The following CCDC30 variants were observed in gnomAD, a reference collection of about 807,000 sequenced individuals.
CCDC30 encodes the protein coiled-coil domain containing 30, also known as coiled-coil domain-containing protein 30.
CCDC30 carries 70 observed loss-of-function variants against 100.2 expected under a neutral mutation model. That is an observed-to-expected ratio of 0.70 (90% CI 0.58 to 0.85). CCDC30 has a LOEUF of 0.85. CCDC30 is among the 40% of genes least tolerant of loss of function. The pLI is 0.00. For missense variants in CCDC30, 652 were observed against 771.2 expected (o/e 0.85, Z 1.83); for synonymous variants, 233 against 269.5 (o/e 0.86, Z 1.33).
At chr1:42,591,153 G>A (rs1300196982) in intron 10 of CCDC30, 1 of 152,246 alleles carries the variant, frequency 6.6e-6, no homozygotes, top group Non-Finnish European at 1.5e-5. Context: ...GGCAGAGAAA[G>A]AATCCCAGCA....
chr1:42,616,877 T>C (rs982608067), intron 11 of CCDC30, among the ~76,000 whole-genome samples: 4 of 152,144 alleles, frequency 2.6e-5, no homozygotes, highest in African/African-American at 9.7e-5. Flanking sequence ...AAATATCAAA[T>C]AATAGGAGAC....
At chr1:42,558,536 T>A (rs1426726244) in intron 6 of CCDC30, among the ~76,000 whole-genome samples, 1 of 152,196 alleles carries the variant, frequency 6.6e-6, no homozygotes, top group Non-Finnish European at 1.5e-5. Flanking sequence ...ATCATTATTA[T>A]CCATATCTTA....
At chr1:42,557,447 C>T (rs1055719490) in intron 6 of CCDC30, among the ~76,000 whole-genome samples, 5 of 151,930 alleles carry the variant, frequency 3.3e-5, no homozygotes, top group Non-Finnish European at 5.9e-5. Context: ...GTGTGGGAGG[C>T]TTGAGCAGAA....
At chr1:42,594,158 G>A (rs548114247) in intron 10 of CCDC30, 1 of 152,146 alleles carries the variant, frequency 6.6e-6, no homozygotes, top group Non-Finnish European at 1.5e-5. Flanking sequence ...TTATTTTGGG[G>A]TGATGTTCAT....
the CCDC30 span, chr1:42,456,853 C>A: frequency 1.9e-6 from 3 of 1,613,536 alleles, no homozygotes; most frequent in Non-Finnish European, 2.5e-6. Context: ...CCCACCGCTT[C>A]CCACCCCAGA....
At chr1:42,504,161 G>A (rs940985223) in intron 6 of CCDC30, among the ~76,000 whole-genome samples, 6 of 152,224 alleles carry the variant, frequency 3.9e-5, no homozygotes, top group Admixed American at 1.3e-4. Flanking sequence ...GGCACAGATC[G>A]CTCATGCTAT....
intron 1 of CCDC30, among the ~76,000 whole-genome samples, chr1:42,465,661 G>T (rs1643555212): frequency 3.9e-5 from 6 of 152,138 alleles, no homozygotes; most frequent in Admixed American, 3.9e-4. Flanking sequence ...CACGGTACCC[G>T]ACCTCTAGCA....
intron 6 of CCDC30, among the ~76,000 whole-genome samples, chr1:42,552,262 A>G (rs1388026725): frequency 6.6e-6 from 1 of 152,208 alleles, no homozygotes; most frequent in Non-Finnish European, 1.5e-5. Flanking sequence ...CCAGAATTGT[A>G]TCCTGGAGAG....
In CCDC30 at chr1:42,581,540, C is replaced by G. The variant is rs201925343; in HGVS notation, c.1001+26C>G. On this transcript the variant is annotated intron_variant, in intron 9 of 16. Coordinates refer to ENST00000668663, the Ensembl canonical transcript of CCDC30. Reference sequence around the variant, plus strand: ...GTAAGAGGAGCAGAGATCTCAGTTTCCTGTGGGTTTAGCCATGACTGAGTT... The same window carrying G: ...GTAAGAGGAGCAGAGATCTCAGTTTGCTGTGGGTTTAGCCATGACTGAGTT... The G allele has an allele frequency of 2.0e-5, 32 of 1,597,418 alleles. No individual in the cohort carries two copies. In the East Asian group the frequency reaches 6.3e-4, roughly 31 times the overall value.
At chr1:42,520,326 C>G (rs1159407080) in intron 6 of CCDC30, among the ~76,000 whole-genome samples, 1 of 150,502 alleles carries the variant, frequency 6.6e-6, no homozygotes, top group African/African-American at 2.4e-5. Context: ...TAAGTATTTT[C>G]TTTCTTTTCT....
chr1:42,597,803 G>A (rs568142739), intron 10 of CCDC30, among the ~76,000 whole-genome samples: 8 of 143,128 alleles, frequency 5.6e-5, no homozygotes, highest in Non-Finnish European at 1.1e-4. Context: ...AGGTCTAGGC[G>A]GCAGTGAGTT....
intron 6 of CCDC30, among the ~76,000 whole-genome samples, chr1:42,561,698 A>G (rs181921667): frequency 6.6e-6 from 1 of 152,306 alleles, no homozygotes. Flanking sequence ...TTATATTTAG[A>G]AAAACCCATC....
upstream of CCDC30, chr1:42,460,382 AGT>A (rs1263868810): frequency 5.1e-6 from 5 of 986,988 alleles, no homozygotes; most frequent in Non-Finnish European, 1.2e-6. Context: ...AGTGCAATAA[AGT>A]GTGTGTCCAA....
chr1:42,527,996 G>C (rs1644748193), intron 6 of CCDC30, among the ~76,000 whole-genome samples: 1 of 152,224 alleles, frequency 6.6e-6, no homozygotes, highest in African/African-American at 2.4e-5. Context: ...CTCCCGAGTA[G>C]CTGGGATTAC....
chr1:42,456,985 T>G, the CCDC30 span: 1 of 1,602,724 alleles, frequency 6.2e-7, no homozygotes, highest in African/African-American at 1.3e-5. Flanking sequence ...AGGCTGCGGC[T>G]GCAGGCACCT....
chr1:42,472,733 A>G (rs1031454589), intron 1 of CCDC30, among the ~76,000 whole-genome samples: 2 of 151,952 alleles, frequency 1.3e-5, no homozygotes, highest in Non-Finnish European at 2.9e-5. Context: ...CAAAGCTTAC[A>G]TTTTTCGGTA....
At chr1:42,538,683 A>C (rs910436478) in intron 6 of CCDC30, among the ~76,000 whole-genome samples, 1 of 152,216 alleles carries the variant, frequency 6.6e-6, no homozygotes, top group African/African-American at 2.4e-5. Context: ...TCTCAGCTTT[A>C]TACTTCCTGG....
chr1:42,532,237 C>T (rs887004739), intron 6 of CCDC30, among the ~76,000 whole-genome samples: 2 of 152,288 alleles, frequency 1.3e-5, no homozygotes, highest in Middle Eastern at 3.4e-3. Flanking sequence ...TCTACCTCCA[C>T]ATCAGTCAGA....
exon 13 of CCDC30, chr1:42,642,594 C>A: frequency 6.3e-7 from 1 of 1,595,548 alleles, no homozygotes; most frequent in South Asian, 1.2e-5. Flanking sequence ...TGGACGATAT[C>A]TTCCATCCAG....
Sources: allele counts gnomAD v4.1 joint callset (sites outside exome capture counted in the v4.1 genomes callset), GRCh38; gene constraint gnomAD v4.1.1; transcripts MANE v1.5; gene names NCBI Gene and HGNC (gene_info 2026-07-23, HGNC 2026-07-21).